The following DCTN4 variants were observed in gnomAD, a reference collection of about 807,000 sequenced individuals.
DCTN4 encodes the protein dynactin subunit 4.
Under a neutral mutation model 62.7 loss-of-function variants are expected in DCTN4, and 23 were observed. The observed-to-expected ratio is 0.37, with a 90% CI of 0.26 to 0.52. The LOEUF (loss-of-function observed/expected upper bound fraction) is 0.52, where lower values mean the gene tolerates loss of function less well. Among genes scored for constraint, DCTN4 ranks in the 20% least tolerant of loss-of-function variants. The probability of loss-of-function intolerance (pLI) is 0.92; values close to 1 mark genes in which losing one functional copy is unlikely to be tolerated. For missense variants in DCTN4, 514 were observed against 580.4 expected (o/e 0.89, Z 1.18); for synonymous variants, 199 against 202.1 (o/e 0.98, Z 0.13).
chr5:150,737,283 G>T (rs1356901375), intron 4 of DCTN4, among the ~76,000 whole-genome samples: 1 of 152,124 alleles, frequency 6.6e-6, no homozygotes, highest in Non-Finnish European at 1.5e-5. Context: ...GATATTTACA[G>T]ATCATTCTAC....
At chr5:150,713,111 T>C (rs958620505) in intron 12 of DCTN4, among the ~76,000 whole-genome samples, 2 of 152,236 alleles carry the variant, frequency 1.3e-5, no homozygotes, top group Non-Finnish European at 2.9e-5. Context: ...TCAGCACATT[T>C]TGTATTACAG....
intron 1 of DCTN4, chr5:150,758,503 A>G (rs1752944679): frequency 9.0e-6 from 9 of 1,001,674 alleles, no homozygotes; most frequent in Non-Finnish European, 9.5e-6. Flanking sequence ...TCCTCGCAAT[A>G]AATCCTGGAA....
intron 2 of DCTN4, chr5:150,755,623 C>T (rs1752833326): frequency 2.2e-6 from 1 of 455,146 alleles, no homozygotes; most frequent in Admixed American, 2.4e-5. Flanking sequence ...TATAAAATAC[C>T]TCACCAGTAC....
chr5:150,758,083 C>G (rs904251210), intron 1 of DCTN4: 8 of 985,324 alleles, frequency 8.1e-6, no homozygotes, highest in Admixed American at 6.1e-5. Flanking sequence ...AAGACTATGG[C>G]TTATTAAACA....
At chr5:150,741,520 G>T (rs1344209776) in intron 4 of DCTN4, among the ~76,000 whole-genome samples, 1 of 151,220 alleles carries the variant, frequency 6.6e-6, no homozygotes, top group Admixed American at 6.6e-5. Flanking sequence ...TTGCTCTATT[G>T]CCTAGGATGG....
chr5:150,758,865 A>G lies in DCTN4; in HGVS notation c.129T>C (p.Ser43=), dbSNP rs1752959770. 1 of 1,613,108 alleles carries G rather than the reference A, an allele frequency of 6.2e-7. No individual in the cohort carries two copies. Among genetic ancestry groups the G allele is most frequent in the African/African-American group, 1.3e-5 (1 of 74,802 alleles). ...CSELRSLECV[S]HEVDSHYCPS... Reference sequence around the variant, plus strand: ...TATAGGGCGACTCTGTTACCTCGTGAGACACACATTCCAGCGACCGCAGTT... The same window carrying G: ...TATAGGGCGACTCTGTTACCTCGTGGGACACACATTCCAGCGACCGCAGTT... The change falls in exon 1 of 13, where the codon TCT becomes TCC. Residue 43 remains serine, a synonymous_variant. Coordinates refer to ENST00000447998, the MANE Select transcript of DCTN4 (RefSeq NM_016221.4).
intron 8 of DCTN4, among the ~76,000 whole-genome samples, chr5:150,724,618 G>A (rs1374950097): frequency 2.0e-5 from 3 of 152,194 alleles, no homozygotes; most frequent in Non-Finnish European, 2.9e-5. Context: ...TATGTAGGGT[G>A]AGGTAGCAAC....
intron 3 of DCTN4, among the ~76,000 whole-genome samples, chr5:150,750,782 AT>A (rs1752643074): frequency 6.6e-6 from 1 of 152,202 alleles, no homozygotes; most frequent in African/African-American, 2.4e-5. Context: ...CAGGATTGTG[AT>A]TATTATCTCT....
intron 8 of DCTN4, 72 bp downstream of exon 8, chr5:150,730,559 G>T: frequency 1.5e-6 from 2 of 1,346,728 alleles, no homozygotes; most frequent in Non-Finnish European, 2.1e-6. Context: ...TTTGACATTA[G>T]TCAGACACCA....
intron 4 of DCTN4, chr5:150,736,458 C>A (rs1187715897): frequency 6.6e-6 from 1 of 152,184 alleles, no homozygotes; most frequent in African/African-American, 2.4e-5. Flanking sequence ...CTATCTTTAG[C>A]CTCCTTAAAC....
intron 5 of DCTN4, among the ~76,000 whole-genome samples, chr5:150,732,925 G>A (rs1760438705): frequency 6.6e-6 from 1 of 152,070 alleles, no homozygotes; most frequent in Non-Finnish European, 1.5e-5. Flanking sequence ...TTTCATCTTG[G>A]AGAAACAGGG....
rs1759525795 is a variant in DCTN4 at position 150,710,638 on chromosome 5, T to C, written c.*511A>G. The C allele has an allele frequency of 6.5e-6, 1 of 154,902 alleles. No homozygotes were observed. The highest frequency in any genetic ancestry group is 6.3e-5 in the Admixed American group (1 of 15,942). The allele number at this position is 154,902 out of a possible 1,614,324, so 9.6% of individuals were successfully genotyped here. ...AGTTATATGGAAATCTATGGCAAAA[T>C]GGCAGCCATTATGGCAATGAAGGGA... On this transcript the variant is annotated 3_prime_UTR_variant, in exon 13 of 13. Coordinates refer to ENST00000447998, the MANE Select transcript of DCTN4 (RefSeq NM_016221.4).
intron 3 of DCTN4, 26 bp from the exon 4 acceptor site, chr5:150,742,183 A>G: frequency 6.2e-7 from 1 of 1,608,100 alleles, no homozygotes; most frequent in Non-Finnish European, 8.5e-7. Flanking sequence ...ATATTAAACA[A>G]GACTTTCATA....
chr5:150,709,938 A>T lies in DCTN4; in HGVS notation c.*1211T>A, dbSNP rs1182009949. The T allele has an allele frequency of 1.1e-4, 17 of 152,358 alleles. No homozygotes were observed. Among genetic ancestry groups the T allele is most frequent in the Admixed American group, 1.1e-3 (17 of 15,276 alleles). The allele number at this position is 152,358 out of a possible 1,614,324, so 9.4% of individuals were successfully genotyped here. The stretch of plus-strand genomic sequence containing the variant: ...ATCAAGTTTCATTTTAGAAAACATC[A>T]TAGAAATTAAGGTTAGCAACCCAAC... On this transcript the variant is annotated 3_prime_UTR_variant, in exon 13 of 13. Transcript: ENST00000447998.
chr5:150,735,450 G>A (rs965431065), intron 4 of DCTN4, among the ~76,000 whole-genome samples: 5 of 152,196 alleles, frequency 3.3e-5, no homozygotes, highest in African/African-American at 1.2e-4. Context: ...AGCAGGTGCT[G>A]GTATCCACAA....
intron 3 of DCTN4, among the ~76,000 whole-genome samples, chr5:150,753,255 T>A (rs1242438339): frequency 6.6e-6 from 1 of 152,214 alleles, no homozygotes; most frequent in Non-Finnish European, 1.5e-5. Context: ...AGTACCAGAT[T>A]TATAAAAGCT....
At chr5:150,713,669 C>A (rs1029842896) in intron 12 of DCTN4, among the ~76,000 whole-genome samples, 2 of 151,550 alleles carry the variant, frequency 1.3e-5, no homozygotes, top group African/African-American at 4.8e-5. Context: ...GTCTCAAACT[C>A]CTGACCTCAA....
chr5:150,743,113 C>A (rs1181292447), intron 3 of DCTN4: 1 of 152,850 alleles, frequency 6.5e-6, no homozygotes, highest in Admixed American at 6.5e-5. Context: ...AATCGGGCCA[C>A]TCCCACCCGA....
At position 150,745,700 on chromosome 5, in the gene DCTN4, A is replaced by G. The variant is rs1009442751; in HGVS notation, c.386-3543T>C. Among the ~76,000 whole-genome samples the G allele has an allele frequency of 4.1e-4, 63 of 152,388 alleles. 1 individual carries two copies. Among genetic ancestry groups the G allele is most frequent in the Admixed American group, 2.6e-4 (4 of 15,314 alleles). On this transcript the variant is annotated intron_variant, in intron 3 of 12. Coordinates refer to ENST00000447998, the MANE Select transcript of DCTN4 (RefSeq NM_016221.4). ...CTGCTCCTGAATGACTGCTGGGTATATAACAAAATGAAGGCAGAAATAAAG... is the reference window on the plus strand; with the variant it reads ...CTGCTCCTGAATGACTGCTGGGTATGTAACAAAATGAAGGCAGAAATAAAG...
Sources: gnomAD v4.1 joint callset for allele counts (sites outside exome capture counted in the v4.1 genomes callset) on GRCh38, gnomAD v4.1.1 for gene constraint, MANE v1.5 for transcripts, NCBI Gene and HGNC (gene_info 2026-07-23, HGNC 2026-07-21) for gene names.